BLACAT1: variants seen among roughly 807,000 people sequenced by gnomAD.
BLACAT1 encodes the protein bladder cancer associated transcript 1.
intron 1 of BLACAT1, among the ~76,000 whole-genome samples, chr1:205,444,360 G>A (rs943156567): frequency 1.2e-4 from 18 of 151,944 alleles, no homozygotes; most frequent in African/African-American, 4.1e-4. Context: ...ACGGTCTGGG[G>A]GCACAGACGA....
intron 1 of BLACAT1, among the ~76,000 whole-genome samples, chr1:205,443,718 G>C (rs1666335467): frequency 6.6e-6 from 1 of 152,226 alleles, no homozygotes; most frequent in African/African-American, 2.4e-5. Flanking sequence ...GGTCCTCACT[G>C]TAAGGTGCAC....
chr1:205,447,748 C>T (rs1302314659), intron 1 of BLACAT1, among the ~76,000 whole-genome samples: 2 of 90,372 alleles, frequency 2.2e-5, no homozygotes, highest in African/African-American at 3.3e-5. Context: ...TCCAGCCTGT[C>T]GCCCGGGGGA....
At chr1:205,453,318 G>A (rs1280313012) in intron 1 of BLACAT1, among the ~76,000 whole-genome samples, 1 of 152,092 alleles carries the variant, frequency 6.6e-6, no homozygotes, top group Non-Finnish European at 1.5e-5. Flanking sequence ...ACGGAGAAAG[G>A]CCACTAGGTA....
At chr1:205,451,216 G>C (rs900679285) in intron 1 of BLACAT1, among the ~76,000 whole-genome samples, 6 of 152,118 alleles carry the variant, frequency 3.9e-5, no homozygotes, top group Non-Finnish European at 5.9e-5. Context: ...AGTCACCTTT[G>C]AGGTCTGAGC....
chr1:205,449,604 C>T (rs921385294), intron 1 of BLACAT1, among the ~76,000 whole-genome samples: 1 of 150,608 alleles, frequency 6.6e-6, no homozygotes, highest in African/African-American at 2.4e-5. Flanking sequence ...CAGCACACAG[C>T]ACAGCACAGC....
At position 205,448,896 on chromosome 1, in the gene BLACAT1, TA is replaced by T. The variant is rs954538642; in HGVS notation, c.-37+7020del. Among the ~76,000 whole-genome samples the T allele has an allele frequency of 3.3e-5, 5 of 152,238 alleles. No individual in the cohort carries two copies. Among genetic ancestry groups the T allele is most frequent in the African/African-American group, 1.2e-4 (5 of 41,540 alleles). On this transcript the variant is annotated intron_variant, in intron 1 of 1. Coordinates refer to ENST00000629624, the Ensembl canonical transcript of BLACAT1. This position sits in a 1 kb window ranked among gnomAD's most constrained non-coding sequence, Gnocchi z 4.7. ...GTAAAGGAGGGCAGCGATGAGGACCTACCCTTTGTTTAGAGGGGTTAAATAG... is the reference window on the plus strand; with the variant it reads ...GTAAAGGAGGGCAGCGATGAGGACCTCCCTTTGTTTAGAGGGGTTAAATAG...
chr1:205,442,540 A>G (rs1666312557), intron 1 of BLACAT1, among the ~76,000 whole-genome samples: 1 of 152,200 alleles, frequency 6.6e-6, no homozygotes, highest in Non-Finnish European at 1.5e-5. Flanking sequence ...AAGTCCTGTC[A>G]AGATTCTCCC....
intron 1 of BLACAT1, among the ~76,000 whole-genome samples, chr1:205,445,649 G>C (rs981228232): frequency 6.6e-6 from 1 of 152,168 alleles, no homozygotes; most frequent in Admixed American, 6.5e-5. Flanking sequence ...AGATTCTTGG[G>C]AGCTGGAGAG....
downstream of BLACAT1, chr1:205,435,231 G>A (rs551051434): frequency 2.0e-5 from 3 of 152,180 alleles, no homozygotes; most frequent in Non-Finnish European, 2.9e-5. Flanking sequence ...TTCAAATCTC[G>A]ATAAACTACA....
At chr1:205,454,311 G>C (rs1666535597) in intron 1 of BLACAT1, among the ~76,000 whole-genome samples, 1 of 152,120 alleles carries the variant, frequency 6.6e-6, no homozygotes, top group African/African-American at 2.4e-5. Flanking sequence ...ACCTCTTCCA[G>C]GGTTACACTG....
intron 1 of BLACAT1, among the ~76,000 whole-genome samples, chr1:205,455,147 G>A (rs6675313): frequency 0.027 from 4,142 of 152,178 alleles, 148 homozygotes; most frequent in African/African-American, 0.081. Context: ...GCCCCTACCC[G>A]GCCAGAGCTC....
chr1:205,437,187 T>C (rs1013549363), downstream of BLACAT1: 3 of 152,384 alleles, frequency 2.0e-5, no homozygotes, highest in African/African-American at 7.2e-5. Flanking sequence ...GGTGGTTTGA[T>C]CAGCATGGAG....
rs1666295116 is a variant in BLACAT1, at chr1:205,441,615, C to CT, written c.-36-554dup. Among the ~76,000 whole-genome samples the CT allele has an allele frequency of 6.6e-6, 1 of 152,090 alleles. No individual in the cohort carries two copies. ...TAACAACCCCAAGTTGTCTGACACC[C>CT]TAGGAAAGCCTATAGGGAGCAATTA... On this transcript the variant is annotated intron_variant, in intron 1 of 1. Transcript: ENST00000629624. The surrounding 1 kb of genome is among the most constrained non-coding windows in gnomAD (Gnocchi z 4.3).
chr1:205,435,729 C>T (rs971993317), downstream of BLACAT1: 1 of 152,176 alleles, frequency 6.6e-6, no homozygotes, highest in Non-Finnish European at 1.5e-5. Flanking sequence ...AGGAAAAAAT[C>T]CATCCTGATT....
chr1:205,445,537 T>G (rs1666373705), intron 1 of BLACAT1, among the ~76,000 whole-genome samples: 1 of 152,242 alleles, frequency 6.6e-6, no homozygotes, highest in African/African-American at 2.4e-5. Context: ...AGACCCTAGC[T>G]TGCCAGACCA....
chr1:205,447,086 A>G (rs75022873), intron 1 of BLACAT1, among the ~76,000 whole-genome samples: 8,151 of 152,318 alleles, frequency 0.054, 292 homozygotes, highest in African/African-American at 0.089. Context: ...TTTTCAGAGT[A>G]CTTTCCCATG....
intron 1 of BLACAT1, among the ~76,000 whole-genome samples, chr1:205,444,187 C>G (rs1000000971): frequency 6.6e-6 from 1 of 152,014 alleles, no homozygotes; most frequent in South Asian, 2.1e-4. Context: ...GAAAAACAGC[C>G]CCCAGAAAAA....
rs768376417 is a variant in BLACAT1 at position 205,448,429 on chromosome 1, A to C, written c.-36-7367T>G. 2.1e-5 allele frequency: 11 copies of C among 532,516 alleles called. No individual in the cohort carries two copies. Among genetic ancestry groups the C allele is most frequent in the Non-Finnish European group, 3.9e-5 (10 of 259,684 alleles). The allele number at this position is 532,516 out of a possible 1,614,324, so 33.0% of individuals were successfully genotyped here. On this transcript the variant is annotated intron_variant, in intron 1 of 1. Coordinates refer to ENST00000629624, the Ensembl canonical transcript of BLACAT1. This position sits in a 1 kb window ranked among gnomAD's most constrained non-coding sequence, Gnocchi z 4.7. ...GTCCAGCGGCAGGAATCTCATAGGG[A>C]AGCGAGAAGCTGGGGCACCCGAGAA...
rs116336080 is a variant in BLACAT1, at chr1:205,452,625, G to A, written c.-37+3292C>T. The stretch of plus-strand genomic sequence containing the variant: ...TTAAGTTAGACAGATAAAACCTAAG[G>A]TCCCAACAACTCCAAAATTTCATGA... On this transcript the variant is annotated intron_variant, in intron 1 of 1. Transcript: ENST00000629624. Among the ~76,000 whole-genome samples the A allele has an allele frequency of 4.0e-3, 603 of 152,268 alleles. 4 individuals are homozygous for A. Among genetic ancestry groups the A allele is most frequent in the African/African-American group, 0.014 (576 of 41,548 alleles).
Sources: allele counts gnomAD v4.1 joint callset (sites outside exome capture counted in the v4.1 genomes callset), GRCh38; gene constraint gnomAD v4.1.1; non-coding constraint Gnocchi (gnomAD v3.1); transcripts MANE v1.5; gene names NCBI Gene and HGNC (gene_info 2026-07-23, HGNC 2026-07-21).